Variants in EEF2K observed in about 807,000 individuals in gnomAD.
EEF2K encodes the protein alternative protein EEF2K.
Under a neutral mutation model 93.8 loss-of-function variants are expected in EEF2K, and 70 were observed. That is an observed-to-expected ratio of 0.75 (90% CI 0.62 to 0.91). EEF2K has a LOEUF of 0.91. Ranked by LOEUF, EEF2K falls within the 40% of genes least tolerant of loss-of-function variation. EEF2K has a pLI of 0.00. For synonymous variants in EEF2K, 376 were observed against 380.8 expected (o/e 0.99, Z 0.15); for missense variants, 935 against 972.9 (o/e 0.96, Z 0.52).
chr16:22,277,109 C>T (rs1481810315), intron 16 of EEF2K, among the ~76,000 whole-genome samples: 1 of 152,100 alleles, frequency 6.6e-6, no homozygotes, highest in Non-Finnish European at 1.5e-5. Context: ...CAATAATTTT[C>T]AAATGGTCCA....
chr16:22,246,893 T>C (rs1431294613), intron 3 of EEF2K, among the ~76,000 whole-genome samples: 3 of 150,236 alleles, frequency 2.0e-5, no homozygotes, highest in Non-Finnish European at 3.0e-5. Flanking sequence ...CAAAAATTAG[T>C]TGGGCACGGT....
At chr16:22,266,659 C>G (rs1186939054) in intron 14 of EEF2K, 29 bp from the exon 15 acceptor site, 2 of 1,589,186 alleles carry the variant, frequency 1.3e-6, no homozygotes, top group African/African-American at 2.7e-5. Flanking sequence ...CGCCAGACAG[C>G]CAGGCCGACA....
At chr16:22,272,210 C>A (rs1479705192) in intron 15 of EEF2K, among the ~76,000 whole-genome samples, 1 of 152,174 alleles carries the variant, frequency 6.6e-6, no homozygotes, top group Admixed American at 6.6e-5. Flanking sequence ...AACACACTTT[C>A]ACACAAAAAC....
intron 2 of EEF2K, among the ~76,000 whole-genome samples, chr16:22,235,851 G>A (rs144094634): frequency 1.4e-4 from 22 of 152,282 alleles, no homozygotes; most frequent in African/African-American, 5.1e-4. Flanking sequence ...AGGCTGGAGT[G>A]CAGTGGCACA....
chr16:22,263,882 G>A (rs1400913914), intron 12 of EEF2K, among the ~76,000 whole-genome samples: 1 of 152,192 alleles, frequency 6.6e-6, no homozygotes, highest in Non-Finnish European at 1.5e-5. Context: ...GCATCCTGGT[G>A]AGGGCAACCT....
At chr16:22,269,233 C>T (rs1281842776) in intron 15 of EEF2K, among the ~76,000 whole-genome samples, 4 of 151,966 alleles carry the variant, frequency 2.6e-5, no homozygotes, top group Non-Finnish European at 5.9e-5. Context: ...TTCCTTGTTT[C>T]TTCGGGCTTC....
chr16:22,255,741 T>C (rs1279366188), intron 6 of EEF2K, among the ~76,000 whole-genome samples: 1 of 151,910 alleles, frequency 6.6e-6, no homozygotes, highest in East Asian at 2.0e-4. Flanking sequence ...AGACCTCGTC[T>C]CTATAAAAAA....
intron 1 of EEF2K, among the ~76,000 whole-genome samples, chr16:22,208,332 G>A (rs2046883962): frequency 6.6e-6 from 1 of 152,166 alleles, no homozygotes; most frequent in African/African-American, 2.4e-5. Context: ...AGACCAGCCT[G>A]GCCAACATAG....
intron 2 of EEF2K, among the ~76,000 whole-genome samples, chr16:22,243,701 C>G (rs2047249446): frequency 6.6e-6 from 1 of 151,762 alleles, no homozygotes; most frequent in Non-Finnish European, 1.5e-5. Context: ...GCTGGTGGAT[C>G]ACTTGAGGTC....
rs142156694 is a variant in EEF2K at position 22,263,427 on chromosome 16, G to T, written c.1377+240G>T. On this transcript the variant is annotated intron_variant, in intron 12 of 17. Coordinates refer to ENST00000263026, the MANE Select transcript of EEF2K (RefSeq NM_013302.5). ...AGTTCGAGACCAGCCTGGCCAACAT[G>T]GTGAAACCCCGTCTCTACTAACAAT... The T allele has an allele frequency of 0.026, 5,892 of 230,776 alleles. 869 individuals carry two copies. The East Asian group carries it at 0.42, about 16-fold the overall frequency. The allele number at this position is 230,776 out of a possible 1,614,324, so 14.3% of individuals were successfully genotyped here. A position where few individuals can be genotyped will look rare whatever the true frequency, so the allele number is the denominator to read the frequency against.
At chr16:22,228,493 A>G (rs1348654083) in intron 2 of EEF2K, among the ~76,000 whole-genome samples, 5 of 152,290 alleles carry the variant, frequency 3.3e-5, no homozygotes, top group Non-Finnish European at 7.4e-5. Flanking sequence ...TGGTGTTACA[A>G]TAAAACTCCA....
chr16:22,208,245 G>A (rs1195096788), intron 1 of EEF2K, among the ~76,000 whole-genome samples: 1 of 152,152 alleles, frequency 6.6e-6, no homozygotes, highest in Non-Finnish European at 1.5e-5. Flanking sequence ...TTTGGGCCAG[G>A]GGCGTGGTGG....
At chr16:22,275,123 G>C (rs896291999) in intron 16 of EEF2K, among the ~76,000 whole-genome samples, 6 of 152,160 alleles carry the variant, frequency 3.9e-5, no homozygotes, top group Non-Finnish European at 8.8e-5. Flanking sequence ...TGCCCATTGA[G>C]TGCACTGGGG....
At chr16:22,228,577 A>T (rs1598169847) in intron 2 of EEF2K, among the ~76,000 whole-genome samples, 1 of 152,250 alleles carries the variant, frequency 6.6e-6, no homozygotes, top group Non-Finnish European at 1.5e-5. Flanking sequence ...GGCCGACAGC[A>T]GGCCCACGCC....
Position 22,257,698 on chromosome 16 carries a change from G to A in EEF2K, c.957G>A (p.Glu319=). 6.2e-7 allele frequency: 1 copy of A among 1,614,036 alleles called. No individual in the cohort carries two copies. The highest frequency in any genetic ancestry group is 8.5e-7 in the Non-Finnish European group (1 of 1,180,046). The change falls in exon 9 of 18, where the codon GAG becomes GAA. Residue 319 remains glutamate (E), a synonymous_variant. Coordinates refer to ENST00000263026, the MANE Select transcript of EEF2K (RefSeq NM_013302.5). ...FYSHACNRIC[E]SMGLAPFDLS... is the part of the protein sequence containing the mutation. ...CTCATGCCTGCAACCGGATTTGCGA[G>A]AGCATGGGCCTTGCTCCCTTTGACC...
Position 22,225,685 on chromosome 16 carries a change from T to A in EEF2K, c.-45T>A. 6.2e-7 allele frequency: 1 copy of A among 1,600,616 alleles called. No homozygotes were observed. Among genetic ancestry groups the A allele is most frequent in the Non-Finnish European group, 8.5e-7 (1 of 1,172,492 alleles). On this transcript the variant is annotated 5_prime_UTR_variant, in exon 2 of 18. Coordinates refer to ENST00000263026, the MANE Select transcript of EEF2K (RefSeq NM_013302.5). The stretch of plus-strand genomic sequence containing the variant: ...CGCCTCTGCATTTGTCCAGTAACTC[T>A]GGCTGTGCCGGATACTGCTTGGGTA...
chr16:22,257,271 T>G lies in EEF2K; in HGVS notation c.787T>G (p.Phe263Val). Residue 263 changes from phenylalanine to valine, a missense_variant, in exon 8 of 18, where the codon TTT (phenylalanine) becomes GTT (valine). By Grantham distance (50) the Phe-to-Val change is conservative (BLOSUM62 -1). Transcript: ENST00000263026. ...CCTGTAGGCCTTCAGCCACTTCACT[T>G]TTGAGCGTTCCGGCCATCAGCTGAT... Reference protein sequence around the residue: ...LTPQAFSHFTFERSGHQLIVV... With the variant: ...LTPQAFSHFTVERSGHQLIVV... 1.2e-6 allele frequency: 2 copies of G among 1,613,702 alleles called. No homozygotes were observed. The highest frequency in any genetic ancestry group is 1.7e-6 in the Non-Finnish European group (2 of 1,179,780).
intron 1 of EEF2K, among the ~76,000 whole-genome samples, chr16:22,224,440 G>C (rs1248472171): frequency 6.7e-6 from 1 of 150,192 alleles, no homozygotes; most frequent in Non-Finnish European, 1.5e-5. Context: ...AGACCAGTCT[G>C]GGCAACATAG....
intron 8 of EEF2K, 85 bp downstream of exon 8, chr16:22,257,470 G>T: frequency 1.3e-6 from 2 of 1,572,218 alleles, no homozygotes; most frequent in South Asian, 1.2e-5. Flanking sequence ...AAGGAAACAG[G>T]CTGAGACACT....
Sources: allele counts gnomAD v4.1 joint callset (sites outside exome capture counted in the v4.1 genomes callset), GRCh38; gene constraint gnomAD v4.1.1; transcripts MANE v1.5; gene names NCBI Gene and HGNC (gene_info 2026-07-23, HGNC 2026-07-21).